The following ZNF888 variants were observed in gnomAD, a reference collection of about 807,000 sequenced individuals.
ZNF888 encodes zinc finger protein 888.
In ZNF888, 5 loss-of-function variants were observed where a neutral mutation model predicts 7.2. The observed-to-expected ratio is 0.70, with a 90% CI of 0.36 to 1.46. The LOEUF is 1.46. ZNF888 is among the 40% of genes most tolerant of loss of function. The probability of loss-of-function intolerance (pLI) is 0.03; values close to 1 mark genes in which losing one functional copy is unlikely to be tolerated. For missense variants in ZNF888, 716 were observed against 858.0 expected, an observed-to-expected ratio of 0.83 and a Z score of 2.07; for synonymous variants, 240 against 284.3, an observed-to-expected ratio of 0.84 and a Z score of 1.57.
chr19:52,911,388 G>A (rs2064676545), intron 4 of ZNF888, among the ~76,000 whole-genome samples: 1 of 150,920 alleles, frequency 6.6e-6, no homozygotes, highest in African/African-American at 2.4e-5. Flanking sequence ...GCCCAGGCTG[G>A]AGTGCAGTGG....
chr19:52,921,066 T>C (rs1400569759), intron 1 of ZNF888, among the ~76,000 whole-genome samples: 2 of 150,918 alleles, frequency 1.3e-5, no homozygotes, highest in East Asian at 3.9e-4. Flanking sequence ...TGGGAGGACA[T>C]GGGAGATATC....
intron 4 of ZNF888, among the ~76,000 whole-genome samples, chr19:52,912,589 G>C (rs1331318121): frequency 7.1e-6 from 1 of 141,690 alleles, no homozygotes; most frequent in East Asian, 2.1e-4. Flanking sequence ...AATTAGCCCA[G>C]CATGTTGGCA....
intron 1 of ZNF888, among the ~76,000 whole-genome samples, chr19:52,922,366 G>T (rs111407574): frequency 2.0e-5 from 3 of 151,784 alleles, no homozygotes; most frequent in Admixed American, 6.6e-5. Context: ...CCCTGCTGTG[G>T]TTCTCCCTCT....
rs1175516942 is a variant in ZNF888 at position 52,920,533 on chromosome 19, G to GAAAAA, written c.-177-1601_-177-1597dup. On this transcript the variant is annotated intron_variant, in intron 1 of 4. Coordinates refer to ENST00000638862, the MANE Select transcript of ZNF888 (RefSeq NM_001393938.1). ...AAAAAAAAAGAAAAAAAAAGAAAAG[G>GAAAAA]AAAAAAAAAAAAAAAAGGAATTATT... Among the ~76,000 whole-genome samples, 119 of 24,760 alleles carry GAAAAA rather than the reference G, an allele frequency of 4.8e-3. 1 individual carries two copies. Among genetic ancestry groups the GAAAAA allele is most frequent in the South Asian group, 7.3e-3 (4 of 548 alleles). 16.2% of individuals were successfully genotyped at this position (24,760 alleles called of 152,430 possible). A position where few individuals can be genotyped will look rare whatever the true frequency, so the allele number is the denominator to read the frequency against.
At chr19:52,911,039 C>T (rs759378189) in intron 4 of ZNF888, among the ~76,000 whole-genome samples, 7 of 152,126 alleles carry the variant, frequency 4.6e-5, no homozygotes, top group Admixed American at 6.5e-5. Flanking sequence ...GCACCATGAA[C>T]AGCTAATTTT....
At chr19:52,916,032 G>A (rs1165898540) in intron 3 of ZNF888, among the ~76,000 whole-genome samples, 3 of 152,274 alleles carry the variant, frequency 2.0e-5, no homozygotes, top group African/African-American at 7.2e-5. Flanking sequence ...TGTAGTCCCA[G>A]CTATGTGGGA....
rs2064617300 is a variant in ZNF888 at position 52,906,986 on chromosome 19, C to T, written c.1336G>A (p.Val446Ile). The T allele has an allele frequency of 9.9e-6, 16 of 1,609,548 alleles. No homozygotes were observed. The highest frequency in any genetic ancestry group is 1.4e-5 in the Non-Finnish European group (16 of 1,178,764). The change falls in exon 5 of 5, where the codon GTT (valine) becomes ATT (isoleucine). Residue 446 changes from valine (V) to isoleucine (I), a missense_variant. By Grantham distance (29) the Val-to-Ile change is conservative (BLOSUM62 3). Transcript: ENST00000638862. ...GCAAGGTTTGATTGTTGATTGAAAA[C>T]CTTGCCACATTCATTACACTTGTAA... is the stretch of plus-strand genomic sequence containing the variant. ...KPYKCNECGK[V>I]FNQQSNLARH...
In ZNF888 at chr19:52,907,982, C is replaced by G; in HGVS notation, c.340G>C (p.Glu114Gln). 1.9e-6 allele frequency: 3 copies of G among 1,614,078 alleles called. No individual in the cohort carries two copies. Among genetic ancestry groups the G allele is most frequent in the Non-Finnish European group, 2.5e-6 (3 of 1,179,990 alleles). ...GTACTACCCGTCAACTCTTTGATTT[C>G]TGTCATGGGTGCTTCATGGCCATTT... ...ETNGHEAPMT[E>Q]IKELTGSTDQ... is the part of the protein sequence containing the mutation. The change falls in exon 5 of 5, where the codon GAA becomes CAA. Residue 114 changes from glutamate (E) to glutamine (Q), a missense_variant. Glu to Gln is a conservative substitution (Grantham distance 29, BLOSUM62 2). Around this residue, in one of 2 missense-constraint regions of ZNF888, gnomAD observed 697 missense variants for 803.4 expected, o/e 0.87. Transcript: ENST00000638862.
Position 52,915,290 on chromosome 19 carries a change from T to C in ZNF888, c.48A>G (p.Glu16=), listed in dbSNP as rs769534213. ...GLLTFRDVAI[E]FSQEEWKCLD... ...GGCATTTCCACTCCTCCTGAGAGAATTCTATGGCCACATCCCTGAATGTCA... is the reference window on the plus strand; with the variant it reads ...GGCATTTCCACTCCTCCTGAGAGAACTCTATGGCCACATCCCTGAATGTCA... The change falls in exon 4 of 5, where the codon GAA becomes GAG. Residue 16 remains glutamate (E), a synonymous_variant. Transcript: ENST00000638862. 3 of 1,613,674 alleles carry C rather than the reference T, an allele frequency of 1.9e-6. No individual in the cohort carries two copies. The highest frequency in any genetic ancestry group is 4.5e-5 in the East Asian group (2 of 44,876).
chr19:52,908,080 A>G lies in ZNF888; in HGVS notation c.242T>C (p.Ile81Thr), dbSNP rs2064633149. The G allele has an allele frequency of 9.3e-6, 15 of 1,614,148 alleles. No homozygotes were observed. In the East Asian group the frequency reaches 1.1e-4, roughly 12 times the overall value. Residue 81 changes from isoleucine to threonine, a missense_variant, in exon 5 of 5, where the codon ATT becomes ACT. Ile to Thr is a moderately conservative substitution (Grantham distance 89). Around this residue, in one of 2 missense-constraint regions of ZNF888, gnomAD observed 697 missense variants for 803.4 expected, o/e 0.87. Transcript: ENST00000638862. ...AATTTCCTGGAAGCAACATTCTCCA[A>G]TGTGATGACTTGCCAGTCTTTGCAA... ...GTLQRLASHH[I>T]GECCFQEIEK...
At chr19:52,917,720 G>C (rs1291943870) in intron 3 of ZNF888, 139 bp downstream of exon 3, 1 of 1,467,444 alleles carries the variant, frequency 6.8e-7, no homozygotes, top group African/African-American at 1.4e-5. Context: ...TGAGATGAGA[G>C]GGACTGAGGG....
In ZNF888 at chr19:52,920,721, C is replaced by T. The variant is rs2147940845; in HGVS notation, c.-177-1784G>A. 3.2e-5 allele frequency among the ~76,000 whole-genome samples: 2 copies of T among 62,772 alleles called. 1 individual carries two copies. Among genetic ancestry groups the T allele is most frequent in the South Asian group, 1.0e-3 (2 of 1,952 alleles). 41.2% of individuals were successfully genotyped at this position (62,772 alleles called of 152,430 possible). On this transcript the variant is annotated intron_variant, in intron 1 of 4. Coordinates refer to ENST00000638862, the MANE Select transcript of ZNF888 (RefSeq NM_001393938.1). ...AGAAAATGTTTAAATTTACCTATAG[C>T]CTGGAGGCCTGCCCACCACCCCTTT...
intron 4 of ZNF888, chr19:52,914,309 T>A: frequency 1.0e-6 from 1 of 955,788 alleles, no homozygotes; most frequent in Non-Finnish European, 1.2e-6. Context: ...ACCTGTAATA[T>A]ATTCCCACCC....
rs1417633148 is a variant in ZNF888 at position 52,907,411 on chromosome 19, C to T, written c.911G>A (p.Gly304Asp). 1.2e-6 allele frequency: 2 copies of T among 1,612,250 alleles called. No homozygotes were observed. Among genetic ancestry groups the T allele is most frequent in the Non-Finnish European group, 1.7e-6 (2 of 1,179,008 alleles). The change falls in exon 5 of 5, where the codon GGC (glycine) becomes GAC (aspartate). Residue 304 changes from glycine to aspartate, a missense_variant. This residue lies in a region of ZNF888 where 697 missense variants were observed against 803.4 expected (regional missense o/e 0.87). Coordinates refer to ENST00000638862, the MANE Select transcript of ZNF888 (RefSeq NM_001393938.1). ...GEKPYKCNEC[G>D]KTFSDKSALL... ...GGCTGACTTGTCACTGAACGTCTTG[C>T]CACACTCATTACACTTGTAAGGTTT...
Position 52,908,095 on chromosome 19 carries a change from A to T in ZNF888, c.227T>A (p.Leu76Gln). The change falls in exon 5 of 5, where the codon CTG becomes CAG. Residue 76 changes from leucine (L) to glutamine (Q), a missense_variant. Leu to Gln is a moderately radical substitution (Grantham distance 113). Around this residue, in one of 2 missense-constraint regions of ZNF888, gnomAD observed 697 missense variants for 803.4 expected, o/e 0.87. Transcript: ENST00000638862. ...ACATTCTCCAATGTGATGACTTGCC[A>T]GTCTTTGCAATGTCCCTGTGTGGAT... ...EVIHTGTLQR[L>Q]ASHHIGECCF... The T allele has an allele frequency of 4.3e-6, 7 of 1,614,138 alleles. No homozygotes were observed. Among genetic ancestry groups the T allele is most frequent in the South Asian group, 2.2e-5 (2 of 91,068 alleles).
intron 1 of ZNF888, among the ~76,000 whole-genome samples, chr19:52,922,915 G>C (rs972263553): frequency 2.9e-5 from 1 of 34,772 alleles, no homozygotes; most frequent in Admixed American, 1.9e-4. Context: ...GGAGGGAGGT[G>C]GGGGGGAGAT....
At chr19:52,916,615 C>CATATACATATACATATATATATATATAT (rs374760326) in intron 3 of ZNF888, among the ~76,000 whole-genome samples, 2 of 131,474 alleles carry the variant, frequency 1.5e-5, no homozygotes, top group Admixed American at 1.7e-4. Context: ...TATACATATA[C>CATATACATATACATATATATATATATAT]ATATATATAT....
At position 52,907,232 on chromosome 19, in the gene ZNF888, T is replaced by G. The variant is rs1277780379; in HGVS notation, c.1090A>C (p.Ser364Arg). 6.2e-6 allele frequency: 10 copies of G among 1,613,326 alleles called. No individual in the cohort carries two copies. Among genetic ancestry groups the G allele is most frequent in the African/African-American group, 2.7e-5 (2 of 74,734 alleles). ...TGTCTTTCAAGGTATGATTTGCGAC[T>G]GAAAACTTTGTCACATTCTTTACAT... Reference protein sequence around the residue: ...YQCKECDKVFSRKSYLERHRR... With the variant: ...YQCKECDKVFRRKSYLERHRR... The change falls in exon 5 of 5, where the codon AGT (serine) becomes CGT (arginine). Residue 364 changes from serine (S) to arginine (R), a missense_variant. This residue lies in a region of ZNF888 where 697 missense variants were observed against 803.4 expected (regional missense o/e 0.87). Coordinates refer to ENST00000638862, the MANE Select transcript of ZNF888 (RefSeq NM_001393938.1).
chr19:52,919,989 G>A (rs1264693509), intron 1 of ZNF888, among the ~76,000 whole-genome samples: 1 of 51,810 alleles, frequency 1.9e-5, no homozygotes, highest in Non-Finnish European at 4.2e-5. Context: ...GGAGGTGAGG[G>A]GCGCCTCTGC....
Sources: allele counts gnomAD v4.1 joint callset (sites outside exome capture counted in the v4.1 genomes callset), GRCh38; gene constraint gnomAD v4.1.1; regional missense constraint gnomAD v4.1.1; transcripts MANE v1.5; gene names NCBI Gene and HGNC (gene_info 2026-07-23, HGNC 2026-07-21).